HSF1: variants seen among roughly 807,000 people sequenced by gnomAD.
The protein encoded by HSF1 is heat shock transcription factor 1.
HSF1 carries 32 observed loss-of-function variants against 51.7 expected under a neutral mutation model. The ratio of observed to expected loss-of-function variants is 0.62; its 90% CI spans 0.47 to 0.83. HSF1 has a LOEUF of 0.83. Among genes scored for constraint, HSF1 ranks in the 40% least tolerant of loss-of-function variants. The pLI is 0.00. For missense variants in HSF1, 727 were observed against 717.0 expected (o/e 1.01, Z -0.16); for synonymous variants, 396 against 309.7 (o/e 1.28, Z -2.92).
In HSF1 at chr8:144,311,812, C is replaced by G. The variant is rs1331043562; in HGVS notation, c.836C>G (p.Ser279Cys). The G allele has an allele frequency of 3.7e-6, 6 of 1,610,604 alleles. No homozygotes were observed. Among genetic ancestry groups the G allele is most frequent in the Admixed American group, 1.7e-5 (1 of 59,790 alleles). The change falls in exon 8 of 13, where the codon TCC (serine) becomes TGC (cysteine). Residue 279 changes from serine to cysteine, a missense_variant. Ser to Cys is a moderately radical substitution (Grantham distance 112). This residue lies in a region of HSF1 where 470 missense variants were observed against 398.8 expected (regional missense o/e 1.18). Transcript: ENST00000528838. Reference protein sequence around the residue: ...TELAPASPMASPGGSIDERPL... With the variant: ...TELAPASPMACPGGSIDERPL... ...CTGGCTCCTGCCAGCCCCATGGCCT[C>G]CCCCGGCGGGAGCATAGACGAGAGG...
Position 144,311,187 on chromosome 8 carries a change from C to T in HSF1, c.502C>T (p.Leu168=). The part of the protein sequence containing the change: ...LLAMKHENEA[L]WREVASLRQK... ...GGTCTGTTGCAGTGAGAATGAGGCT[C>T]TGTGGCGGGAGGTGGCCAGCCTTCG... Residue 168 remains leucine (L), a synonymous_variant, in exon 5 of 13, where the codon CTG becomes TTG. Coordinates refer to ENST00000528838, the MANE Select transcript of HSF1 (RefSeq NM_005526.4). The T allele has an allele frequency of 6.2e-7, 1 of 1,600,118 alleles. No homozygotes were observed. The highest frequency in any genetic ancestry group is 8.5e-7 in the Non-Finnish European group (1 of 1,173,696).
chr8:144,314,360 AC>A lies in HSF1; in HGVS notation c.*35del. The A allele has an allele frequency of 6.6e-7, 1 of 1,524,772 alleles. No homozygotes were observed. Among genetic ancestry groups the A allele is most frequent in the South Asian group, 1.2e-5 (1 of 83,180 alleles). The allele number at this position is 1,524,772 out of a possible 1,614,324, so 94.5% of individuals were successfully genotyped here. ...CCCGGAGGAGCTGGGCCAGCCGCCC[AC>A]CCCCACCCCCAGTGCAGGGCTGGTC... On this transcript the variant is annotated 3_prime_UTR_variant, in exon 13 of 13. Transcript: ENST00000528838.
intron 3 of HSF1, 39 bp downstream of exon 3, chr8:144,309,630 C>T (rs1554843932): frequency 1.2e-6 from 2 of 1,609,070 alleles, no homozygotes; most frequent in African/African-American, 2.7e-5. Flanking sequence ...GTCTCACCTG[C>T]CACAGCTCTC....
At chr8:144,301,843 C>G (rs568436493) in intron 1 of HSF1, among the ~76,000 whole-genome samples, 55 of 151,228 alleles carry the variant, frequency 3.6e-4, no homozygotes, top group Non-Finnish European at 7.7e-4. Flanking sequence ...CCAGCCTGGG[C>G]GACAAAGCGA....
Position 144,311,951 on chromosome 8 carries a change from C to G in HSF1, c.861-12C>G. On this transcript the variant is annotated splice_polypyrimidine_tract_variant and intron_variant, in intron 8 of 12. Transcript: ENST00000528838. ...CCGAGACGCCAGCTCACCTGGCCCCCCTCGTGTGCAGGCCCCTATCCAGCA... is the reference window on the plus strand; with the variant it reads ...CCGAGACGCCAGCTCACCTGGCCCCGCTCGTGTGCAGGCCCCTATCCAGCA... 1.3e-6 allele frequency: 2 copies of G among 1,580,474 alleles called. No individual in the cohort carries two copies. Among genetic ancestry groups the G allele is most frequent in the Non-Finnish European group, 1.7e-6 (2 of 1,163,686 alleles).
Position 144,313,895 on chromosome 8 carries a change from A to G in HSF1, c.1298A>G (p.Asp433Gly), listed in dbSNP as rs1554845856. The G allele has an allele frequency of 6.2e-7, 1 of 1,606,148 alleles. No individual in the cohort carries two copies. Among genetic ancestry groups the G allele is most frequent in the Non-Finnish European group, 8.5e-7 (1 of 1,178,334 alleles). ...CCCGACATGAGCCTGCCTGACCTTG[A>G]CAGCAGCCTGGCCAGTGTGCGTAGG... ...TVPDMSLPDL[D>G]SSLASIQELL... The change falls in exon 11 of 13, where the codon GAC (aspartate) becomes GGC (glycine). Residue 433 changes from aspartate (D) to glycine (G), a missense_variant. This residue lies in a region of HSF1 where 470 missense variants were observed against 398.8 expected (regional missense o/e 1.18). Coordinates refer to ENST00000528838, the MANE Select transcript of HSF1 (RefSeq NM_005526.4).
intron 7 of HSF1, 49 bp downstream of exon 7, chr8:144,311,650 G>A: frequency 1.2e-6 from 2 of 1,611,674 alleles, no homozygotes; most frequent in Non-Finnish European, 1.7e-6. Context: ...GCGGCAGTGG[G>A]GTGGGTTGCC....
chr8:144,307,039 G>C (rs192188675), intron 1 of HSF1, among the ~76,000 whole-genome samples: 5 of 152,228 alleles, frequency 3.3e-5, no homozygotes, highest in African/African-American at 9.6e-5. Context: ...GTGAGAGCTC[G>C]GGGCTGGCTC....
intron 1 of HSF1, among the ~76,000 whole-genome samples, 194 bp downstream of exon 1, chr8:144,292,068 G>A (rs955325838): frequency 6.6e-6 from 1 of 152,132 alleles, no homozygotes; most frequent in Admixed American, 6.5e-5. Context: ...TGGGAAAGCG[G>A]CTACGAGACC....
Position 144,314,529 on chromosome 8 carries a change from C to T in HSF1, c.*199C>T, listed in dbSNP as rs574960862. ...CTGCCAGTCTGCCTTCCCCCAACCC[C>T]GTGTCCTGTGGTTTGGTTGGGGCTT... On this transcript the variant is annotated 3_prime_UTR_variant, in exon 13 of 13. Transcript: ENST00000528838. The T allele has an allele frequency of 5.7e-5, 34 of 600,410 alleles. 1 individual carries two copies. In the South Asian group the frequency reaches 5.9e-4, roughly 10 times the overall value. The allele number at this position is 600,410 out of a possible 1,614,324, so 37.2% of individuals were successfully genotyped here. A position where few individuals can be genotyped will look rare whatever the true frequency, so the allele number is the denominator to read the frequency against.
chr8:144,308,113 C>A (rs1554843592), intron 1 of HSF1, among the ~76,000 whole-genome samples: 1 of 152,226 alleles, frequency 6.6e-6, no homozygotes, highest in African/African-American at 2.4e-5. Context: ...GAGAAACCTG[C>A]CCCACTGCCC....
chr8:144,314,133 C>T lies in HSF1; in HGVS notation c.1393C>T (p.Leu465=), dbSNP rs782383085. 6.5e-7 allele frequency: 1 copy of T among 1,540,020 alleles called. No homozygotes were observed. Among genetic ancestry groups the T allele is most frequent in the Non-Finnish European group, 8.7e-7 (1 of 1,143,148 alleles). Reference sequence around the variant, plus strand: ...CACCCCCACCCCCGCAGGGAAGCAGCTGGTGCACTACACAGCGCAGCCGCT... The same window carrying T: ...CACCCCCACCCCCGCAGGGAAGCAGTTGGTGCACTACACAGCGCAGCCGCT... The part of the protein sequence containing the change: ...ENSSPDSGKQ[L]VHYTAQPLFL... Residue 465 remains leucine, a synonymous_variant, in exon 13 of 13, where the codon CTG becomes TTG. Transcript: ENST00000528838.
chr8:144,313,439 C>G, intron 9 of HSF1, 72 bp from the exon 10 acceptor site: 1 of 1,012,994 alleles, frequency 9.9e-7, no homozygotes, highest in South Asian at 1.3e-5. Context: ...AAGGGGAGCC[C>G]TTCTCCCACA....
rs782701459 is a variant in HSF1, at chr8:144,313,999, G to C, written c.1329G>C (p.Leu443=). 3.8e-5 allele frequency: 61 copies of C among 1,611,166 alleles called. No individual in the cohort carries two copies. The highest frequency in any genetic ancestry group is 4.9e-5 in the Non-Finnish European group (58 of 1,179,524). Reference sequence around the variant, plus strand: ...CCACCCCACAGATCCAAGAGCTCCTGTCTCCCCAGGAGCCCCCCAGGCCTC... The same window carrying C: ...CCACCCCACAGATCCAAGAGCTCCTCTCTCCCCAGGAGCCCCCCAGGCCTC... ...DSSLASIQEL[L]SPQEPPRPPE... is the part of the protein sequence containing the mutation. The change falls in exon 12 of 13, where the codon CTG becomes CTC. Residue 443 remains leucine (L), a synonymous_variant. Coordinates refer to ENST00000528838, the MANE Select transcript of HSF1 (RefSeq NM_005526.4).
intron 9 of HSF1, 71 bp from the exon 10 acceptor site, chr8:144,313,440 T>C: frequency 9.8e-7 from 1 of 1,021,102 alleles, no homozygotes; most frequent in Non-Finnish European, 1.5e-6. Flanking sequence ...AGGGGAGCCC[T>C]TCTCCCACAG....
intron 1 of HSF1, among the ~76,000 whole-genome samples, chr8:144,295,505 C>G (rs1330536302): frequency 6.6e-6 from 1 of 152,258 alleles, no homozygotes; most frequent in Non-Finnish European, 1.5e-5. Flanking sequence ...AGACGGAGGC[C>G]TCAGGATCAG....
chr8:144,296,176 C>G (rs143088566), intron 1 of HSF1, among the ~76,000 whole-genome samples: 150,393 of 152,232 alleles, frequency 0.99, 74,320 homozygotes, highest in South Asian at 1. Flanking sequence ...GGGGCAGGGC[C>G]TGAGGGGTCC....
chr8:144,306,419 GT>G (rs1816236881), intron 1 of HSF1, among the ~76,000 whole-genome samples: 1 of 151,912 alleles, frequency 6.6e-6, no homozygotes, highest in Non-Finnish European at 1.5e-5. Flanking sequence ...CTGGAGCGCA[GT>G]AGTTCAATCA....
In HSF1 at chr8:144,311,787, C is replaced by T. The variant is rs781850996; in HGVS notation, c.811C>T (p.Leu271=). The change falls in exon 8 of 13, where the codon CTG becomes TTG. Residue 271 remains leucine (L), a synonymous_variant. Coordinates refer to ENST00000528838, the MANE Select transcript of HSF1 (RefSeq NM_005526.4). ...SGPIISDITE[L]APASPMASPG... Reference sequence around the variant, plus strand: ...ACCCATCATCTCCGACATCACCGAGCTGGCTCCTGCCAGCCCCATGGCCTC... The same window carrying T: ...ACCCATCATCTCCGACATCACCGAGTTGGCTCCTGCCAGCCCCATGGCCTC... 1 of 1,612,410 alleles carries T rather than the reference C, an allele frequency of 6.2e-7. No individual in the cohort carries two copies.
Sources: allele counts gnomAD v4.1 joint callset (sites outside exome capture counted in the v4.1 genomes callset), GRCh38; gene constraint gnomAD v4.1.1; regional missense constraint gnomAD v4.1.1; transcripts MANE v1.5; gene names NCBI Gene and HGNC (gene_info 2026-07-23, HGNC 2026-07-21).